RIPOR3: variants seen among roughly 807,000 people sequenced by gnomAD.
The protein encoded by RIPOR3 is RIPOR family member 3, also known as family with sequence similarity 65 member C.
Under a neutral mutation model 114.3 loss-of-function variants are expected in RIPOR3, and 95 were observed. That is an observed-to-expected ratio of 0.83 (90% CI 0.70 to 0.99). The LOEUF is 0.99. Among genes scored for constraint, RIPOR3 ranks in the 50% least tolerant of loss-of-function variants. RIPOR3 has a pLI of 0.00. For synonymous variants in RIPOR3, 575 were observed against 543.8 expected (o/e 1.06, Z -0.80); for missense variants, 1,252 against 1,266.9 (o/e 0.99, Z 0.18).
chr20:50,642,983 G>A (rs1482573206), intron 1 of RIPOR3, among the ~76,000 whole-genome samples: 1 of 152,046 alleles, frequency 6.6e-6, no homozygotes, highest in Non-Finnish European at 1.5e-5. Context: ...GGGAGGCAGA[G>A]GTTGCGGTGA....
intron 13 of RIPOR3, 80 bp from the exon 14 acceptor site, chr20:50,597,790 C>G: frequency 3.3e-6 from 5 of 1,529,538 alleles, no homozygotes; most frequent in Non-Finnish European, 4.4e-6. Context: ...GGCCTCACGG[C>G]AGACTTGGGC....
At chr20:50,596,345 C>T (rs1193847006) in intron 14 of RIPOR3, 82 bp from the exon 15 acceptor site, 13 of 1,583,580 alleles carry the variant, frequency 8.2e-6, no homozygotes, top group Admixed American at 6.8e-5. Flanking sequence ...CCCTTCCCAG[C>T]GAGCCCCAGG....
At chr20:50,605,540 A>G (rs2083677559) in intron 11 of RIPOR3, among the ~76,000 whole-genome samples, 1 of 152,112 alleles carries the variant, frequency 6.6e-6, no homozygotes, top group East Asian at 1.9e-4. Context: ...AAGCCAAGGC[A>G]GGCAGATGAC....
At chr20:50,633,980 C>CTTTTTT (rs375758598) in intron 1 of RIPOR3, among the ~76,000 whole-genome samples, 10 of 131,040 alleles carry the variant, frequency 7.6e-5, no homozygotes, top group East Asian at 2.3e-4. Context: ...TCTTTCTTTT[C>CTTTTTT]TTTTTTTTTT....
At chr20:50,670,974 C>T (rs950550652) in intron 1 of RIPOR3, among the ~76,000 whole-genome samples, 4 of 152,076 alleles carry the variant, frequency 2.6e-5, no homozygotes, top group Non-Finnish European at 5.9e-5. Context: ...GACACCCAGG[C>T]TGGAGTGCAG....
intron 1 of RIPOR3, among the ~76,000 whole-genome samples, chr20:50,678,649 AT>A (rs2086754398): frequency 1.3e-5 from 2 of 152,206 alleles, no homozygotes; most frequent in South Asian, 2.1e-4. Flanking sequence ...GGACTAAGAT[AT>A]TTTGGCACAA....
chr20:50,617,571 G>A (rs567963928), intron 3 of RIPOR3, among the ~76,000 whole-genome samples: 14 of 150,550 alleles, frequency 9.3e-5, no homozygotes, highest in East Asian at 6.0e-4. Context: ...GGTAGCCACC[G>A]CTGTGCCCAG....
rs550250352 is a variant in RIPOR3, at chr20:50,592,615, C to G, written c.2375-69G>C. ...GTTTGGCAGGACAGCTGCAAGTTTG[C>G]TTGGCTGCTGCCAGTAGCCACAGAG... is the stretch of plus-strand genomic sequence containing the variant. On this transcript the variant is annotated intron_variant, in intron 18 of 21. Coordinates refer to ENST00000327979, the MANE Select transcript of RIPOR3 (RefSeq NM_001290268.2). The G allele has an allele frequency of 3.5e-4, 473 of 1,337,956 alleles. 1 individual carries two copies. The highest frequency in any genetic ancestry group is 4.4e-4 in the Non-Finnish European group (457 of 1,028,200). 82.9% of individuals were successfully genotyped at this position (1,337,956 alleles called of 1,614,324 possible).
In RIPOR3 at chr20:50,609,315, G is replaced by A. The variant is rs775097185; in HGVS notation, c.618C>T (p.Gly206=). ...LIEGALEVHL[G]EFHIRMKGLV... is the part of the protein sequence containing the mutation. ...TACCTTTCATCCTGATGTGGAACTC[G>A]CCCAGGTGAACCTCCAGGGCCCCCT... The change falls in exon 8 of 22, where the codon GGC becomes GGT. Residue 206 remains glycine (G), a synonymous_variant. Coordinates refer to ENST00000327979, the MANE Select transcript of RIPOR3 (RefSeq NM_001290268.2). The A allele has an allele frequency of 1.4e-5, 22 of 1,613,728 alleles. No individual in the cohort carries two copies. The highest frequency in any genetic ancestry group is 4.4e-5 in the South Asian group (4 of 91,066).
intron 6 of RIPOR3, 30 bp from the exon 7 acceptor site, chr20:50,609,752 GC>G (rs770224923): frequency 7.4e-7 from 1 of 1,356,688 alleles, no homozygotes; most frequent in Non-Finnish European, 9.5e-7. Flanking sequence ...TGGTGGCGCT[GC>G]CCACGCGGAG....
At chr20:50,655,735 C>T (rs1459013303) in intron 1 of RIPOR3, among the ~76,000 whole-genome samples, 1 of 151,530 alleles carries the variant, frequency 6.6e-6, no homozygotes, top group African/African-American at 2.4e-5. Context: ...ATTAAGCAAT[C>T]AGCCAAAAGA....
chr20:50,689,240 G>A (rs1457976566), intron 1 of RIPOR3, among the ~76,000 whole-genome samples: 3 of 143,484 alleles, frequency 2.1e-5, no homozygotes, highest in Non-Finnish European at 4.5e-5. Context: ...GCAGTGGCAC[G>A]ATCTCAGCTC....
At chr20:50,636,791 A>G (rs909779800) in intron 1 of RIPOR3, 10 of 985,450 alleles carry the variant, frequency 1.0e-5, no homozygotes, top group Non-Finnish European at 1.2e-5. Flanking sequence ...CTGTCCGCTC[A>G]CTGCTGGCCA....
intron 1 of RIPOR3, among the ~76,000 whole-genome samples, chr20:50,679,601 CAAA>C (rs35946931): frequency 8.3e-6 from 1 of 120,632 alleles, no homozygotes; most frequent in Non-Finnish European, 1.6e-5. Flanking sequence ...ACTAAAAATA[CAAA>C]AAAAAAAAAA....
At chr20:50,683,466 T>G (rs1034746850) in intron 1 of RIPOR3, among the ~76,000 whole-genome samples, 1 of 151,766 alleles carries the variant, frequency 6.6e-6, no homozygotes, top group African/African-American at 2.4e-5. Flanking sequence ...TTTTTTTTTT[T>G]CTTTGAGACG....
chr20:50,601,385 G>A (rs2083487383), intron 13 of RIPOR3, among the ~76,000 whole-genome samples: 1 of 152,192 alleles, frequency 6.6e-6, no homozygotes, highest in African/African-American at 2.4e-5. Flanking sequence ...AGTGAGCCGA[G>A]ATGGCGCCGC....
intron 1 of RIPOR3, among the ~76,000 whole-genome samples, chr20:50,672,506 A>T (rs1300306090): frequency 6.6e-6 from 1 of 152,082 alleles, no homozygotes; most frequent in Non-Finnish European, 1.5e-5. Context: ...CCAGCTTGAC[A>T]CCACAGAGAC....
At chr20:50,673,293 T>C (rs1024904881) in intron 1 of RIPOR3, among the ~76,000 whole-genome samples, 33 of 152,146 alleles carry the variant, frequency 2.2e-4, no homozygotes, top group African/African-American at 7.7e-4. Flanking sequence ...CCTGTAATGG[T>C]CCCTACGTTA....
intron 1 of RIPOR3, among the ~76,000 whole-genome samples, chr20:50,647,147 C>A (rs938741568): frequency 2.0e-5 from 3 of 152,114 alleles, no homozygotes; most frequent in African/African-American, 7.2e-5. Flanking sequence ...TGGCAAAACC[C>A]TGTCTCTATT....
Sources: allele counts gnomAD v4.1 joint callset (sites outside exome capture counted in the v4.1 genomes callset), GRCh38; gene constraint gnomAD v4.1.1; transcripts MANE v1.5; gene names NCBI Gene and HGNC (gene_info 2026-07-23, HGNC 2026-07-21).